Variants in CCBE1 observed in about 807,000 individuals in gnomAD.
The protein encoded by CCBE1 is collagen and calcium-binding EGF domain-containing protein 1.
Under a neutral mutation model 50.0 loss-of-function variants are expected in CCBE1, and 37 were observed. The ratio of observed to expected loss-of-function variants is 0.74; its 90% CI spans 0.57 to 0.97. The LOEUF is 0.97. Among genes scored for constraint, CCBE1 ranks in the 50% least tolerant of loss-of-function variants. The probability of loss-of-function intolerance (pLI) is 0.00; values close to 1 mark genes in which losing one functional copy is unlikely to be tolerated. For missense variants in CCBE1, 538 were observed against 523.8 expected (o/e 1.03, Z -0.26); for synonymous variants, 234 against 203.7 (o/e 1.15, Z -1.27).
intron 3 of CCBE1, 61 bp downstream of exon 3, chr18:59,480,125 G>T (rs1912498422): frequency 3.8e-6 from 4 of 1,039,014 alleles, no homozygotes; most frequent in South Asian, 1.3e-5. Context: ...ATCTGAAGTT[G>T]ATAGACTTTG....
chr18:59,535,033 G>A (rs932003597), intron 2 of CCBE1, among the ~76,000 whole-genome samples: 2 of 152,094 alleles, frequency 1.3e-5, no homozygotes, highest in African/African-American at 2.4e-5. Flanking sequence ...CACCAGTTTC[G>A]AATCCCCAAT....
At chr18:59,456,605 C>T (rs1438588742) in intron 5 of CCBE1, among the ~76,000 whole-genome samples, 1 of 152,214 alleles carries the variant, frequency 6.6e-6, no homozygotes, top group Non-Finnish European at 1.5e-5. Flanking sequence ...TCTCAGACTT[C>T]TAACCTCAGA....
At chr18:59,468,131 TAATCCC>T (rs1283470841) in intron 4 of CCBE1, among the ~76,000 whole-genome samples, 1 of 152,174 alleles carries the variant, frequency 6.6e-6, no homozygotes, top group Non-Finnish European at 1.5e-5. Flanking sequence ...CTCATGCCTG[TAATCCC>T]AGCGCTTTGG....
In CCBE1 at chr18:59,591,139, G is replaced by C. The variant is rs567095577; in HGVS notation, c.212+105490C>G. Among the ~76,000 whole-genome samples the C allele has an allele frequency of 1.2e-3, 105 of 86,098 alleles. 26 individuals carry two copies. The highest frequency in any genetic ancestry group is 0.011 in the Middle Eastern group (2 of 180). 56.5% of individuals were successfully genotyped at this position (86,098 alleles called of 152,430 possible). On this transcript the variant is annotated intron_variant, in intron 2 of 10. Transcript: ENST00000439986. ...TGGGCGCCTGTAGTCCCAGCTACTC[G>C]GGAGGCTGAGGCAGGAGAATGGCGT... is the stretch of plus-strand genomic sequence containing the variant.
At chr18:59,512,868 TC>T (rs900696064) in intron 2 of CCBE1, among the ~76,000 whole-genome samples, 1 of 152,118 alleles carries the variant, frequency 6.6e-6, no homozygotes, top group Non-Finnish European at 1.5e-5. Context: ...TCCTCTTACC[TC>T]CCACTCAGAG....
chr18:59,498,339 G>A (rs1913454496), intron 2 of CCBE1, among the ~76,000 whole-genome samples: 1 of 152,080 alleles, frequency 6.6e-6, no homozygotes, highest in Non-Finnish European at 1.5e-5. Flanking sequence ...GCTTTGATTT[G>A]GGTGTTAATC....
intron 2 of CCBE1, among the ~76,000 whole-genome samples, chr18:59,584,719 T>C (rs2053152028): frequency 1.3e-5 from 2 of 152,138 alleles, no homozygotes; most frequent in Non-Finnish European, 2.9e-5. Context: ...CCCCTTCACC[T>C]TCCACCACAA....
At chr18:59,676,630 C>T (rs1220443574) in intron 2 of CCBE1, among the ~76,000 whole-genome samples, 1 of 152,088 alleles carries the variant, frequency 6.6e-6, no homozygotes, top group Non-Finnish European at 1.5e-5. Flanking sequence ...GGACACGGGG[C>T]ATACAAAAAT....
In CCBE1 at chr18:59,446,069, A is replaced by C. The variant is rs80026569; in HGVS notation, c.775+1914T>G. On this transcript the variant is annotated intron_variant, in intron 7 of 10. Coordinates refer to ENST00000439986, the MANE Select transcript of CCBE1 (RefSeq NM_133459.4). The stretch of plus-strand genomic sequence containing the variant: ...AATAAGTCTCAGTGGTGGGTACCAC[A>C]AACACTAGAAGTTAAGAGAGAGAAG... Among the ~76,000 whole-genome samples the C allele has an allele frequency of 0.011, 1,701 of 152,322 alleles. 87 individuals carry two copies. The East Asian group carries it at 0.16, about 14-fold the overall frequency.
chr18:59,516,991 C>T (rs1285116642), intron 2 of CCBE1, among the ~76,000 whole-genome samples: 1 of 152,184 alleles, frequency 6.6e-6, no homozygotes, highest in East Asian at 1.9e-4. Context: ...CTCCCCAGGG[C>T]CAGCCAGATC....
At chr18:59,589,644 A>C (rs962342957) in intron 2 of CCBE1, among the ~76,000 whole-genome samples, 2 of 151,598 alleles carry the variant, frequency 1.3e-5, no homozygotes, top group Non-Finnish European at 2.9e-5. Flanking sequence ...AAATACAAAA[A>C]CAAAATTAGC....
rs545266127 is a variant in CCBE1 at position 59,696,834 on chromosome 18, C to T, written c.132-125G>A. Reference sequence around the variant, plus strand: ...CCCGTCCCGGCGCTCTGGGCAGGGGCTGGTCCCCAAACGCGTACGCGGGGC... The same window carrying T: ...CCCGTCCCGGCGCTCTGGGCAGGGGTTGGTCCCCAAACGCGTACGCGGGGC... On this transcript the variant is annotated intron_variant, in intron 1 of 10. Transcript: ENST00000439986. The T allele has an allele frequency of 9.8e-5, 106 of 1,084,100 alleles. No individual in the cohort carries two copies. In the African/African-American group the frequency reaches 1.4e-3, roughly 14 times the overall value. 67.2% of individuals were successfully genotyped at this position (1,084,100 alleles called of 1,614,324 possible). A position where few individuals can be genotyped will look rare whatever the true frequency, so the allele number is the denominator to read the frequency against.
chr18:59,521,983 A>C (rs1361413175), intron 2 of CCBE1, among the ~76,000 whole-genome samples: 1 of 152,250 alleles, frequency 6.6e-6, no homozygotes, highest in African/African-American at 2.4e-5. Flanking sequence ...ACAATAAACA[A>C]AATCCAGGCT....
intron 2 of CCBE1, among the ~76,000 whole-genome samples, chr18:59,592,374 T>C (rs2053284175): frequency 6.6e-6 from 1 of 152,108 alleles, no homozygotes; most frequent in Non-Finnish European, 1.5e-5. Flanking sequence ...CTGGAAAAAA[T>C]CTGAAATCTA....
At chr18:59,553,924 G>C (rs981060360) in intron 2 of CCBE1, among the ~76,000 whole-genome samples, 9 of 152,222 alleles carry the variant, frequency 5.9e-5, no homozygotes, top group African/African-American at 2.2e-4. Flanking sequence ...TCAGATTTTA[G>C]AGAAGTCACT....
At chr18:59,695,930 C>A (rs1296368536) in intron 2 of CCBE1, among the ~76,000 whole-genome samples, 2 of 151,974 alleles carry the variant, frequency 1.3e-5, no homozygotes, top group African/African-American at 4.8e-5. Flanking sequence ...CTAAATCAAC[C>A]CTCATCTCCA....
chr18:59,481,438 T>C (rs1169359472), intron 2 of CCBE1, among the ~76,000 whole-genome samples: 7 of 152,020 alleles, frequency 4.6e-5, no homozygotes, highest in Non-Finnish European at 7.4e-5. Context: ...ACCTCCAAAA[T>C]TGAGTGAGAG....
At chr18:59,477,557 T>TGTGTGTGTGTGC (rs1912369878) in intron 3 of CCBE1, among the ~76,000 whole-genome samples, 1 of 137,532 alleles carries the variant, frequency 7.3e-6, no homozygotes, top group Admixed American at 7.3e-5. Context: ...TGTGTGTGTG[T>TGTGTGTGTGTGC]GTGTGTGTGC....
chr18:59,482,809 T>G (rs552235381), intron 2 of CCBE1, among the ~76,000 whole-genome samples: 4 of 151,518 alleles, frequency 2.6e-5, no homozygotes, highest in African/African-American at 9.6e-5. Flanking sequence ...AAGCTGAGAA[T>G]TAACCAGCTT....
Sources: allele counts gnomAD v4.1 joint callset (sites outside exome capture counted in the v4.1 genomes callset), GRCh38; gene constraint gnomAD v4.1.1; transcripts MANE v1.5; gene names NCBI Gene and HGNC (gene_info 2026-07-23, HGNC 2026-07-21).